RAI14: variants seen among roughly 807,000 people sequenced by gnomAD.
RAI14 encodes the protein retinoic acid induced 14.
A neutral mutation model predicts 115.4 loss-of-function variants in RAI14; 45 were observed. The observed-to-expected ratio is 0.39, with a 90% CI of 0.31 to 0.50. The LOEUF is 0.50. Among genes scored for constraint, RAI14 ranks in the 20% least tolerant of loss-of-function variants. The pLI, the probability that RAI14 is intolerant of heterozygous loss-of-function variation, is 0.85. For synonymous variants in RAI14, 371 were observed against 415.4 expected (o/e 0.89, Z 1.30); for missense variants, 939 against 1,131.2 (o/e 0.83, Z 2.44).
intron 1 of RAI14, among the ~76,000 whole-genome samples, chr5:34,686,106 C>A (rs1744841356): frequency 6.6e-6 from 1 of 152,166 alleles, no homozygotes; most frequent in Non-Finnish European, 1.5e-5. Flanking sequence ...GGAATATGAA[C>A]TGTTTTCCTC....
In RAI14 at chr5:34,681,031, C is replaced by G. The variant is rs998328630; in HGVS notation, c.-48-5841C>G. Reference sequence around the variant, plus strand: ...CATTTTTATGTTCTTCCAGAAGCAGCAACATAACTCACAGCATAGCCCTTG... The same window carrying G: ...CATTTTTATGTTCTTCCAGAAGCAGGAACATAACTCACAGCATAGCCCTTG... On this transcript the variant is annotated intron_variant, in intron 1 of 17. Transcript: ENST00000265109. Among the ~76,000 whole-genome samples the G allele has an allele frequency of 2.0e-5, 3 of 152,162 alleles. No homozygotes were observed. In the East Asian group the frequency reaches 5.8e-4, roughly 29 times the overall value.
In RAI14 at chr5:34,821,725, T is replaced by G. The variant is rs1756850913; in HGVS notation, c.995-7T>G. 1 of 1,505,982 alleles carries G rather than the reference T, an allele frequency of 6.6e-7. No individual in the cohort carries two copies. Among genetic ancestry groups the G allele is most frequent in the East Asian group, 2.3e-5 (1 of 44,136 alleles). 93.3% of individuals were successfully genotyped at this position (1,505,982 alleles called of 1,614,324 possible). A position where few individuals can be genotyped will look rare whatever the true frequency, so the allele number is the denominator to read the frequency against. On this transcript the variant is annotated splice_region_variant and splice_polypyrimidine_tract_variant and intron_variant, in intron 13 of 17. Transcript: ENST00000265109. ...TTTATATTTTAAATGGCTTTCTCTT[T>G]CCCAAGGTGCTGATAGCTTATTGGA...
intron 2 of RAI14, among the ~76,000 whole-genome samples, chr5:34,730,565 A>G (rs1744048658): frequency 6.6e-6 from 1 of 152,056 alleles, no homozygotes; most frequent in South Asian, 2.1e-4. Flanking sequence ...AGTCTCTGCT[A>G]CTCGGGAGGC....
chr5:34,826,723 A>AGTAGGAGGAG (rs1757491663), intron 16 of RAI14, among the ~76,000 whole-genome samples: 1 of 152,222 alleles, frequency 6.6e-6, no homozygotes, highest in Non-Finnish European at 1.5e-5. Flanking sequence ...CCGACAGGAC[A>AGTAGGAGGAG]GTAGGAGGAG....
rs186487039 is a variant in RAI14 at position 34,830,594 on chromosome 5, G to C, written c.2866-94G>C. ...GTGAAAGATGTGGGAATTAGCCCAGGTCTTCATTGCAGTCAGCCATCTCAT... is the reference window on the plus strand; with the variant it reads ...GTGAAAGATGTGGGAATTAGCCCAGCTCTTCATTGCAGTCAGCCATCTCAT... On this transcript the variant is annotated intron_variant, in intron 17 of 17. Transcript: ENST00000265109. 8.6e-5 allele frequency: 136 copies of C among 1,578,342 alleles called. No individual in the cohort carries two copies. In the African/African-American group the frequency reaches 1.7e-3, roughly 19 times the overall value.
At chr5:34,748,211 G>C (rs375385641) in intron 2 of RAI14, among the ~76,000 whole-genome samples, 1 of 152,180 alleles carries the variant, frequency 6.6e-6, no homozygotes. Context: ...GATGGATTTC[G>C]GGGTGAATAG....
chr5:34,657,911 G>GTATA (rs1214867226), intron 1 of RAI14, among the ~76,000 whole-genome samples: 2 of 152,222 alleles, frequency 1.3e-5, no homozygotes, highest in Admixed American at 6.5e-5. Context: ...TATTACTGAT[G>GTATA]TATATAATCT....
chr5:34,759,112 A>C (rs1462526560), intron 3 of RAI14, among the ~76,000 whole-genome samples: 1 of 152,066 alleles, frequency 6.6e-6, no homozygotes, highest in East Asian at 1.9e-4. Context: ...AAAATAGAAA[A>C]ATTAGCCAGG....
rs568536792 is a variant in RAI14 at position 34,767,055 on chromosome 5, T to C, written c.167+9457T>C. Among the ~76,000 whole-genome samples the C allele has an allele frequency of 2.6e-5, 4 of 152,330 alleles. No individual in the cohort carries two copies. In the South Asian group the frequency reaches 8.3e-4, roughly 32 times the overall value. On this transcript the variant is annotated intron_variant, in intron 3 of 17. Coordinates refer to ENST00000265109, the MANE Select transcript of RAI14 (RefSeq NM_015577.3). ...CATGATTCTGAGGCCTCCCCAGCCA[T>C]GTGGAACTGTAAGTCCAATTAAACC...
At chr5:34,667,771 G>C (rs145495617) in intron 1 of RAI14, among the ~76,000 whole-genome samples, 2 of 152,092 alleles carry the variant, frequency 1.3e-5, no homozygotes, top group African/African-American at 4.8e-5. Flanking sequence ...CAATGGCATT[G>C]AGCAGCAGCA....
chr5:34,691,983 T>TG (rs955095175), intron 2 of RAI14, among the ~76,000 whole-genome samples: 1 of 152,056 alleles, frequency 6.6e-6, no homozygotes, highest in African/African-American at 2.4e-5. Flanking sequence ...CAGTTGGCGG[T>TG]GGGGTGTGGT....
rs1757188191 is a variant in RAI14 at position 34,824,042 on chromosome 5, T to G, written c.2200T>G (p.Leu734Val). The change falls in exon 15 of 18, where the codon TTG becomes GTG. Residue 734 changes from leucine to valine, a missense_variant. By Grantham distance (32) the Leu-to-Val change is conservative. Coordinates refer to ENST00000265109, the MANE Select transcript of RAI14 (RefSeq NM_015577.3). ...GAACTCTGTCTCTATCACAGAACAT[T>G]TGCAAGTGATAACCACGCTGCGGAC... ...KENSVSITEH[L>V]QVITTLRTAA... 2.5e-6 allele frequency: 4 copies of G among 1,613,956 alleles called. No homozygotes were observed. Among genetic ancestry groups the G allele is most frequent in the Non-Finnish European group, 3.4e-6 (4 of 1,179,988 alleles).
intron 2 of RAI14, among the ~76,000 whole-genome samples, chr5:34,688,679 A>G (rs573889344): frequency 1.3e-5 from 2 of 152,204 alleles, no homozygotes; most frequent in African/African-American, 2.4e-5. Flanking sequence ...GGAAATTGGT[A>G]TAATGGAGCC....
Position 34,691,060 on chromosome 5 carries a change from C to A in RAI14, c.36+4105C>A, listed in dbSNP as rs564739480. On this transcript the variant is annotated intron_variant, in intron 2 of 17. Coordinates refer to ENST00000265109, the MANE Select transcript of RAI14 (RefSeq NM_015577.3). Reference sequence around the variant, plus strand: ...GCTGCAGATTTTGAGATGGCTGAATCACTGGGAATGGGAGAATTTGGGGAG... The same window carrying A: ...GCTGCAGATTTTGAGATGGCTGAATAACTGGGAATGGGAGAATTTGGGGAG... Among the ~76,000 whole-genome samples the A allele has an allele frequency of 5.3e-5, 8 of 152,166 alleles. No individual in the cohort carries two copies. The South Asian group carries it at 1.7e-3, about 32-fold the overall frequency.
chr5:34,760,045 C>T (rs548290444), intron 3 of RAI14, among the ~76,000 whole-genome samples: 1 of 152,250 alleles, frequency 6.6e-6, no homozygotes, highest in Non-Finnish European at 1.5e-5. Flanking sequence ...TCTCTGTCAC[C>T]AGGCCGGAGT....
chr5:34,814,804 C>G (rs1756008942), intron 12 of RAI14, 135 bp downstream of exon 12: 1 of 677,684 alleles, frequency 1.5e-6, no homozygotes, highest in African/African-American at 1.8e-5. Flanking sequence ...CATGAAGTAC[C>G]CCTTGATTAT....
intron 2 of RAI14, among the ~76,000 whole-genome samples, chr5:34,708,407 G>A (rs140759042): frequency 0.015 from 2,270 of 152,186 alleles, 51 homozygotes; most frequent in African/African-American, 0.051. Flanking sequence ...TCTCCACGTT[G>A]GTCAGGCTGG....
chr5:34,663,925 T>A (rs1373083839), intron 1 of RAI14, among the ~76,000 whole-genome samples: 1 of 152,230 alleles, frequency 6.6e-6, no homozygotes, highest in Non-Finnish European at 1.5e-5. Context: ...TGTCACCTCA[T>A]CTAACCTTAC....
intron 3 of RAI14, among the ~76,000 whole-genome samples, chr5:34,774,632 A>T (rs1750615853): frequency 6.6e-6 from 1 of 152,176 alleles, no homozygotes; most frequent in Admixed American, 6.5e-5. Context: ...ACAAAAATGG[A>T]AACATTCTTT....
Sources: gnomAD v4.1 joint callset for allele counts (sites outside exome capture counted in the v4.1 genomes callset) on GRCh38, gnomAD v4.1.1 for gene constraint, MANE v1.5 for transcripts, NCBI Gene and HGNC (gene_info 2026-07-23, HGNC 2026-07-21) for gene names.